Variants in MACF1 observed in about 807,000 individuals in gnomAD.
MACF1 encodes the protein microtubule actin crosslinking factor 1.
MACF1 carries 193 observed loss-of-function variants against 854.8 expected under a neutral mutation model. That is an observed-to-expected ratio of 0.23 (90% CI 0.20 to 0.25). The LOEUF (loss-of-function observed/expected upper bound fraction) is 0.25. Ranked by LOEUF, MACF1 falls within the 10% of genes least tolerant of loss-of-function variation. MACF1 has a pLI of 1.00. For missense variants in MACF1, 7,722 were observed against 8,929.1 expected, an observed-to-expected ratio of 0.86 and a Z score of 5.45; for synonymous variants, 3,185 against 3,226.7, an observed-to-expected ratio of 0.99 and a Z score of 0.44.
At chr1:39,224,500 A>C (rs976565702) in intron 1 of MACF1, among the ~76,000 whole-genome samples, 3 of 152,228 alleles carry the variant, frequency 2.0e-5, no homozygotes, top group African/African-American at 7.2e-5. Flanking sequence ...GATAGAACTC[A>C]AAACTATCCA....
In MACF1 at chr1:39,340,488, C is replaced by T; in HGVS notation, c.10216-14C>T. 1 of 1,596,612 alleles carries T rather than the reference C, an allele frequency of 6.3e-7. No homozygotes were observed. The highest frequency in any genetic ancestry group is 8.6e-7 in the Non-Finnish European group (1 of 1,167,616). ...AGTCTTGCTTTTATAGGTAACTCCACTTTATTCCCTCAGGTATTAGAAAGG... is the reference window on the plus strand; with the variant it reads ...AGTCTTGCTTTTATAGGTAACTCCATTTTATTCCCTCAGGTATTAGAAAGG... On this transcript the variant is annotated splice_polypyrimidine_tract_variant and intron_variant, in intron 38 of 100. Coordinates refer to ENST00000564288, the MANE Select transcript of MACF1 (RefSeq NM_001394062.1).
At chr1:39,247,363 G>A (rs867522347) in intron 2 of MACF1, among the ~76,000 whole-genome samples, 48 of 152,088 alleles carry the variant, frequency 3.2e-4, no homozygotes, top group Middle Eastern at 6.8e-3. Context: ...GAGCCACTGC[G>A]CCCAGCCACA....
chr1:39,163,615 T>C (rs1643849459), intron 2 of MACF1, among the ~76,000 whole-genome samples: 1 of 152,146 alleles, frequency 6.6e-6, no homozygotes, highest in South Asian at 2.1e-4. Flanking sequence ...TGGTCCTTTT[T>C]GGTTCTCTTA....
At chr1:39,477,060 T>TACACACAC (rs1644902727) in intron 97 of MACF1, among the ~76,000 whole-genome samples, 2 of 20,458 alleles carry the variant, frequency 9.8e-5, no homozygotes, top group East Asian at 2.2e-3. Context: ...TATATATATA[T>TACACACAC]ATATATATAT....
chr1:39,450,867 T>A (rs1188525728), intron 84 of MACF1, among the ~76,000 whole-genome samples, 185 bp from the exon 85 acceptor site: 1 of 152,168 alleles, frequency 6.6e-6, no homozygotes, highest in East Asian at 1.9e-4. Flanking sequence ...CACCTCGGCC[T>A]CCCAAAGTGC....
intron 2 of MACF1, among the ~76,000 whole-genome samples, chr1:39,144,024 G>C (rs905530189): frequency 6.7e-6 from 1 of 149,804 alleles, no homozygotes; most frequent in Admixed American, 6.7e-5. Context: ...TCCTGACCTC[G>C]TGATCCGCCC....
At chr1:39,396,349 A>G (rs966272652) in intron 58 of MACF1, among the ~76,000 whole-genome samples, 1 of 151,878 alleles carries the variant, frequency 6.6e-6, no homozygotes. Context: ...ACAAACAAAT[A>G]TATCTGTAAC....
chr1:39,122,823 G>A (rs1304890540), intron 2 of MACF1, among the ~76,000 whole-genome samples: 1 of 152,094 alleles, frequency 6.6e-6, no homozygotes, highest in Non-Finnish European at 1.5e-5. Flanking sequence ...TGTTGAAGTG[G>A]GTTTTGAGTT....
intron 41 of MACF1, among the ~76,000 whole-genome samples, chr1:39,348,830 G>C (rs1233424134): frequency 6.6e-6 from 1 of 152,128 alleles, no homozygotes; most frequent in Non-Finnish European, 1.5e-5. Context: ...CCTTGGGCCT[G>C]GCCTGTTCCT....
At chr1:39,133,968 A>G (rs1016688618) in intron 2 of MACF1, among the ~76,000 whole-genome samples, 16 of 149,404 alleles carry the variant, frequency 1.1e-4, no homozygotes, top group Admixed American at 3.3e-4. Flanking sequence ...CTAGTTTGCT[A>G]GGGATTTGCG....
intron 58 of MACF1, chr1:39,414,601 T>TA: frequency 7.1e-7 from 1 of 1,417,950 alleles, no homozygotes; most frequent in Non-Finnish European, 9.6e-7. Context: ...CCCGGGCTTA[T>TA]AGTTTGTAGT....
At chr1:39,433,245 T>C in intron 68 of MACF1, 90 bp downstream of exon 68, 1 of 739,006 alleles carries the variant, frequency 1.4e-6, no homozygotes. Context: ...TTAAGGCTTT[T>C]TCCCTCCTGG....
chr1:39,285,270 C>G, intron 12 of MACF1, 27 bp from the exon 13 acceptor site: 1 of 1,614,166 alleles, frequency 6.2e-7, no homozygotes, highest in Non-Finnish European at 8.5e-7. Flanking sequence ...GAACCTTGCA[C>G]ATGACTATGG....
chr1:39,322,796 A>G (rs1025452886), intron 32 of MACF1, 81 bp downstream of exon 32: 33 of 1,534,812 alleles, frequency 2.2e-5, no homozygotes, highest in Non-Finnish European at 2.4e-5. Flanking sequence ...ATTTTGATTT[A>G]GGGCTCACTT....
intron 23 of MACF1, among the ~76,000 whole-genome samples, chr1:39,308,363 C>T (rs544933845): frequency 2.0e-5 from 3 of 151,720 alleles, no homozygotes; most frequent in African/African-American, 7.3e-5. Flanking sequence ...TTGGGATTTC[C>T]TGAACTTTGA....
chr1:39,105,779 C>G lies in MACF1; in HGVS notation c.220+21341C>G. 4 of 1,026,742 alleles carry G rather than the reference C, an allele frequency of 3.9e-6. No homozygotes were observed. The highest frequency in any genetic ancestry group is 4.7e-6 in the Non-Finnish European group (4 of 854,604). The allele number at this position is 1,026,742 out of a possible 1,614,324, so 63.6% of individuals were successfully genotyped here. A position where few individuals can be genotyped will look rare whatever the true frequency, so the allele number is the denominator to read the frequency against. On this transcript the variant is annotated intron_variant, in intron 2 of 93. Coordinates refer to the MACF1 transcript ENST00000361689. This position sits in a 1 kb window ranked among gnomAD's most constrained non-coding sequence, Gnocchi z 5.9. ...GCCGGCGCAGCGTGGCCTTCGGAGC[C>G]GGTCGGCTCGGCGGCTGCAGGTGGG...
intron 2 of MACF1, among the ~76,000 whole-genome samples, chr1:39,245,604 C>G: frequency 6.6e-6 from 1 of 152,118 alleles, no homozygotes; most frequent in Non-Finnish European, 1.5e-5. Context: ...AATATTTATT[C>G]AGGTTGGGAG....
intron 58 of MACF1, among the ~76,000 whole-genome samples, chr1:39,417,533 A>G (rs1643361100): frequency 6.6e-6 from 1 of 151,114 alleles, no homozygotes; most frequent in Non-Finnish European, 1.5e-5. Context: ...TCATTCATTC[A>G]TGGAACAAAA....
At chr1:39,344,588 C>T (rs955118319) in intron 40 of MACF1, among the ~76,000 whole-genome samples, 5 of 152,120 alleles carry the variant, frequency 3.3e-5, no homozygotes, top group African/African-American at 9.7e-5. Context: ...TTTCTCCTCC[C>T]CTGATTCTTC....
Sources: gnomAD v4.1 joint callset for allele counts (sites outside exome capture counted in the v4.1 genomes callset) on GRCh38, gnomAD v4.1.1 for gene constraint, Gnocchi (gnomAD v3.1) non-coding constraint, MANE v1.5 for transcripts, NCBI Gene and HGNC (gene_info 2026-07-23, HGNC 2026-07-21) for gene names.